The following SGCZ variants were observed in gnomAD, a reference collection of about 807,000 sequenced individuals.
The protein encoded by SGCZ is zeta-sarcoglycan.
A neutral mutation model predicts 41.3 loss-of-function variants in SGCZ; 40 were observed. The observed-to-expected ratio is 0.97, with a 90% confidence interval of 0.75 to 1.26. SGCZ has a LOEUF of 1.26. SGCZ is among the 50% of genes most tolerant of loss of function. SGCZ has a pLI of 0.00. For missense variants in SGCZ, 552 were observed against 369.8 expected, an observed-to-expected ratio of 1.49 and a Z score of -4.04; for synonymous variants, 206 against 137.5, an observed-to-expected ratio of 1.50 and a Z score of -3.49.
intron 5 of SGCZ, among the ~76,000 whole-genome samples, chr8:14,114,061 T>C (rs902663847): frequency 1.3e-5 from 2 of 152,072 alleles, no homozygotes; most frequent in Non-Finnish European, 2.9e-5. Flanking sequence ...ATTTCTAACA[T>C]TGCATTGCAA....
chr8:14,850,184 T>G (rs1462668705), intron 1 of SGCZ, among the ~76,000 whole-genome samples: 1 of 152,232 alleles, frequency 6.6e-6, no homozygotes, highest in Non-Finnish European at 1.5e-5. Flanking sequence ...CAGTGTTAAA[T>G]TTCATTACAT....
intron 1 of SGCZ, among the ~76,000 whole-genome samples, chr8:15,036,734 C>A (rs1803889214): frequency 6.6e-6 from 1 of 151,962 alleles, no homozygotes; most frequent in Non-Finnish European, 1.5e-5. Context: ...ACTTATCTTA[C>A]AAGGCCAGCA....
chr8:14,727,094 G>C (rs143525963), intron 1 of SGCZ, among the ~76,000 whole-genome samples: 2,063 of 151,908 alleles, frequency 0.014, 31 homozygotes, highest in Admixed American at 0.038. Context: ...AACGTATAAA[G>C]AGCACATACA....
In SGCZ at chr8:14,109,190, A is replaced by G. The variant is rs117226378; in HGVS notation, c.548-955T>C. On this transcript the variant is annotated intron_variant, in intron 5 of 7. Coordinates refer to ENST00000382080, the MANE Select transcript of SGCZ (RefSeq NM_139167.4). ...ATTCTGGTGTTATAGTTGGTTTCAT[A>G]TGGAATTGTAGCTTTCCGAAGAGGT... Among the ~76,000 whole-genome samples, 869 of 152,316 alleles carry G rather than the reference A, an allele frequency of 5.7e-3. 1 individual carries two copies. Among genetic ancestry groups the G allele is most frequent in the Non-Finnish European group, 9.0e-3 (613 of 68,024 alleles).
At chr8:14,274,344 A>G (rs147049099) in intron 3 of SGCZ, among the ~76,000 whole-genome samples, 2 of 152,236 alleles carry the variant, frequency 1.3e-5, no homozygotes, top group Non-Finnish European at 2.9e-5. Context: ...TTTATTATTA[A>G]CGCTGCACTT....
At chr8:14,459,504 T>C (rs1031715670) in intron 2 of SGCZ, among the ~76,000 whole-genome samples, 1 of 152,144 alleles carries the variant, frequency 6.6e-6, no homozygotes, top group Non-Finnish European at 1.5e-5. Flanking sequence ...TCAAGTATCG[T>C]TAATGCAGGC....
intron 1 of SGCZ, among the ~76,000 whole-genome samples, chr8:14,825,629 A>G (rs931571010): frequency 5.3e-5 from 8 of 152,180 alleles, no homozygotes; most frequent in African/African-American, 1.7e-4. Flanking sequence ...TCATCCCCAC[A>G]TAAGCTTTAT....
At chr8:14,236,127 T>A (rs1331926060) in intron 4 of SGCZ, among the ~76,000 whole-genome samples, 1 of 152,208 alleles carries the variant, frequency 6.6e-6, no homozygotes, top group African/African-American at 2.4e-5. Context: ...CCCGTTTCCA[T>A]AGGCCTATAG....
At chr8:14,331,951 A>G (rs978085669) in intron 2 of SGCZ, among the ~76,000 whole-genome samples, 4 of 151,902 alleles carry the variant, frequency 2.6e-5, no homozygotes, top group African/African-American at 9.7e-5. Flanking sequence ...GAAAAGACAC[A>G]CATATATAAT....
chr8:14,463,702 G>A (rs949134919), intron 2 of SGCZ, among the ~76,000 whole-genome samples: 6 of 151,636 alleles, frequency 4.0e-5, no homozygotes, highest in African/African-American at 1.5e-4. Context: ...TCTTGTTCTT[G>A]ACCTAAAAGT....
chr8:14,267,171 A>T (rs1799900649), intron 3 of SGCZ, among the ~76,000 whole-genome samples: 1 of 151,854 alleles, frequency 6.6e-6, no homozygotes, highest in African/African-American at 2.4e-5. Flanking sequence ...TTTCTTTTTT[A>T]GTACATTATG....
At chr8:14,991,139 C>T (rs868598817) in intron 1 of SGCZ, among the ~76,000 whole-genome samples, 27 of 152,124 alleles carry the variant, frequency 1.8e-4, no homozygotes, top group Admixed American at 6.5e-4. Context: ...GGTTGTTATC[C>T]GTCATTTTTG....
At chr8:14,344,220 A>T (rs994831992) in intron 2 of SGCZ, among the ~76,000 whole-genome samples, 15 of 152,102 alleles carry the variant, frequency 9.9e-5, no homozygotes, top group African/African-American at 3.6e-4. Flanking sequence ...GGAGACCAGT[A>T]GACCTTAGAT....
intron 1 of SGCZ, among the ~76,000 whole-genome samples, chr8:14,644,349 C>G (rs150040272): frequency 6.6e-6 from 1 of 151,736 alleles, no homozygotes; most frequent in East Asian, 1.9e-4. Flanking sequence ...TGGATCAAGG[C>G]TGAAATCTAG....
At chr8:14,313,406 T>G (rs1801610230) in intron 3 of SGCZ, among the ~76,000 whole-genome samples, 1 of 152,180 alleles carries the variant, frequency 6.6e-6, no homozygotes, top group Non-Finnish European at 1.5e-5. Context: ...CTCCGCCTCC[T>G]GAGTTCAAGT....
At chr8:14,666,552 C>G (rs548875995) in intron 1 of SGCZ, among the ~76,000 whole-genome samples, 1 of 152,212 alleles carries the variant, frequency 6.6e-6, no homozygotes, top group South Asian at 2.1e-4. Flanking sequence ...ATCAGCACAA[C>G]TATTTGCCTG....
At chr8:14,836,753 C>T (rs532835821) in intron 1 of SGCZ, among the ~76,000 whole-genome samples, 21 of 152,298 alleles carry the variant, frequency 1.4e-4, no homozygotes, top group Admixed American at 1.2e-3. Context: ...CCACCCACCT[C>T]GGCTTCCCAA....
chr8:14,309,487 T>A, intron 3 of SGCZ: 1 of 1,608,116 alleles, frequency 6.2e-7, no homozygotes, highest in South Asian at 1.1e-5. Context: ...TTGTTAATGT[T>A]AGAGCTAATT....
At chr8:15,230,185 TA>T (rs200066472) in intron 1 of SGCZ, among the ~76,000 whole-genome samples, 12,957 of 139,282 alleles carry the variant, frequency 0.093, 1,369 homozygotes, top group African/African-American at 0.26. Flanking sequence ...GGATACTAGT[TA>T]AAAAAAAAAA....
Sources: gnomAD v4.1 joint callset for allele counts (sites outside exome capture counted in the v4.1 genomes callset) on GRCh38, gnomAD v4.1.1 for gene constraint, MANE v1.5 for transcripts, NCBI Gene and HGNC (gene_info 2026-07-23, HGNC 2026-07-21) for gene names.